Variants in CASD1 observed in about 807,000 individuals in gnomAD.
CASD1 encodes CAS1 domain sialic acid O acetyltransferase 1.
CASD1 carries 41 observed loss-of-function variants against 100.0 expected under a neutral mutation model. That is an observed-to-expected ratio of 0.41 (90% CI 0.32 to 0.53). The LOEUF (loss-of-function observed/expected upper bound fraction) is 0.53. Among genes scored for constraint, CASD1 ranks in the 20% least tolerant of loss-of-function variants. CASD1 has a pLI of 0.25. For missense variants in CASD1, 774 were observed against 948.7 expected (o/e 0.82, Z 2.42); for synonymous variants, 321 against 315.6 (o/e 1.02, Z -0.18).
rs768792608 is a variant in CASD1 at position 94,537,759 on chromosome 7, T to G, written c.1131T>G (p.Ile377Met). The change falls in exon 9 of 18, where the codon ATT becomes ATG. Residue 377 changes from isoleucine (I) to methionine (M), a missense_variant. By Grantham distance (10) the Ile-to-Met change is conservative (BLOSUM62 1). Coordinates refer to ENST00000297273, the MANE Select transcript of CASD1 (RefSeq NM_022900.5). Reference protein sequence around the residue: ...LLQSFCKLGLIMAYFYMCDRA... With the variant: ...LLQSFCKLGLMMAYFYMCDRA... ...AATCTTTCTGCAAACTTGGCCTGAT[T>G]ATGGCATATTTCTATATGTGTGACC... 22 of 1,613,666 alleles carry G rather than the reference T, an allele frequency of 1.4e-5. No individual in the cohort carries two copies. Among genetic ancestry groups the G allele is most frequent in the South Asian group, 4.4e-5 (4 of 91,084 alleles).
At chr7:94,629,737 G>T in the CASD1 span, 1 of 1,610,976 alleles carries the variant, frequency 6.2e-7, no homozygotes, top group African/African-American at 1.3e-5. Context: ...GGGTAAGGTG[G>T]AAATTCCCCC....
chr7:94,609,831 A>G, the CASD1 span, among the ~76,000 whole-genome samples: 1 of 152,194 alleles, frequency 6.6e-6, no homozygotes, highest in African/African-American at 2.4e-5. Context: ...TACTTTTACC[A>G]TATGATCCAG....
intron 1 of CASD1, among the ~76,000 whole-genome samples, chr7:94,510,877 A>G (rs1198920019): frequency 6.6e-6 from 1 of 152,226 alleles, no homozygotes; most frequent in African/African-American, 2.4e-5. Flanking sequence ...CACACTTTTT[A>G]CAAAGTTAAG....
At chr7:94,629,841 A>G in the CASD1 span, 8 of 1,610,428 alleles carry the variant, frequency 5.0e-6, no homozygotes, top group African/African-American at 5.4e-5. Context: ...AATACTGTAC[A>G]CTGAAAACAA....
chr7:94,589,599 GCATTACCA>G, the CASD1 span: 1 of 152,470 alleles, frequency 6.6e-6, no homozygotes, highest in Non-Finnish European at 1.5e-5. Flanking sequence ...CCCATCACTT[GCATTACCA>G]CCTGGGTTCT....
At chr7:94,572,062 G>T in the CASD1 span, among the ~76,000 whole-genome samples, 1 of 152,112 alleles carries the variant, frequency 6.6e-6, no homozygotes, top group African/African-American at 2.4e-5. Flanking sequence ...GTCTAATGAA[G>T]TTAATATCCA....
chr7:94,593,820 A>G, the CASD1 span, among the ~76,000 whole-genome samples: 3 of 152,132 alleles, frequency 2.0e-5, no homozygotes, highest in Non-Finnish European at 2.9e-5. Flanking sequence ...CTCCATGTAG[A>G]GGAATGTGAA....
At chr7:94,594,652 T>C in the CASD1 span, 2 of 152,138 alleles carry the variant, frequency 1.3e-5, no homozygotes, top group Admixed American at 6.6e-5. Flanking sequence ...TTGTGACAAA[T>C]GTACCATGGT....
chr7:94,535,284 T>G, intron 7 of CASD1, 25 bp from the exon 8 acceptor site: 2 of 1,559,088 alleles, frequency 1.3e-6, no homozygotes, highest in Non-Finnish European at 1.8e-6. Flanking sequence ...TAAAATGTGT[T>G]TTTAAAAATG....
chr7:94,563,841 T>G, the CASD1 span, among the ~76,000 whole-genome samples: 32,774 of 152,110 alleles, frequency 0.22, 4,338 homozygotes, highest in South Asian at 0.36. Flanking sequence ...CAATGTGTTT[T>G]TTATTTTGAT....
At chr7:94,584,814 T>C in the CASD1 span, among the ~76,000 whole-genome samples, 1 of 152,190 alleles carries the variant, frequency 6.6e-6, no homozygotes, top group South Asian at 2.1e-4. Context: ...ATTCTCTTTT[T>C]GTGTAACAGC....
intron 1 of CASD1, among the ~76,000 whole-genome samples, chr7:94,517,282 C>G (rs932428216): frequency 6.6e-6 from 1 of 152,094 alleles, no homozygotes; most frequent in African/African-American, 2.4e-5. Context: ...GAGATAATGT[C>G]CCCGGAAAGA....
chr7:94,631,061 T>C, the CASD1 span, among the ~76,000 whole-genome samples: 413 of 152,040 alleles, frequency 2.7e-3, no homozygotes, highest in African/African-American at 9.5e-3. Context: ...AAAACATAAC[T>C]TCAAAGGCTG....
chr7:94,531,467 A>G (rs188056021), intron 5 of CASD1, among the ~76,000 whole-genome samples: 4 of 152,234 alleles, frequency 2.6e-5, no homozygotes, highest in Admixed American at 2.6e-4. Context: ...CTTTATGCTG[A>G]GAAGGAGGGC....
At chr7:94,552,198 A>T in intron 15 of CASD1, 152 bp from the exon 16 acceptor site, 1 of 607,204 alleles carries the variant, frequency 1.6e-6, no homozygotes. Context: ...ACAGGTGATG[A>T]GCAAACTTGC....
downstream of CASD1, among the ~76,000 whole-genome samples, chr7:94,559,591 T>C (rs1208853858): frequency 6.6e-6 from 1 of 152,130 alleles, no homozygotes; most frequent in Admixed American, 6.5e-5. Flanking sequence ...AATGGCGCAA[T>C]CTCGGCTCAC....
chr7:94,544,048 TATC>T (rs1369339280), intron 10 of CASD1, among the ~76,000 whole-genome samples: 1 of 152,222 alleles, frequency 6.6e-6, no homozygotes, highest in Non-Finnish European at 1.5e-5. Context: ...TAATTATAGC[TATC>T]ATATTGAATT....
chr7:94,613,500 T>TG, the CASD1 span, among the ~76,000 whole-genome samples: 2,064 of 152,276 alleles, frequency 0.014, 16 homozygotes, highest in Non-Finnish European at 0.023. Flanking sequence ...TAACAAAACC[T>TG]GGTACTTCAA....
the CASD1 span, among the ~76,000 whole-genome samples, chr7:94,591,095 C>T: frequency 6.6e-6 from 1 of 152,086 alleles, no homozygotes; most frequent in African/African-American, 2.4e-5. Flanking sequence ...CTTGTGTAGG[C>T]TAGAGGAGTA....
Sources: allele counts gnomAD v4.1 joint callset (sites outside exome capture counted in the v4.1 genomes callset), GRCh38; gene constraint gnomAD v4.1.1; transcripts MANE v1.5; gene names NCBI Gene and HGNC (gene_info 2026-07-23, HGNC 2026-07-21).